CARD18: variants seen among roughly 807,000 people sequenced by gnomAD.
The protein encoded by CARD18 is caspase recruitment domain-containing protein 18.
A neutral mutation model predicts 7.9 loss-of-function variants in CARD18; 7 were observed. The observed-to-expected ratio is 0.88, with a 90% CI of 0.50 to 1.66. The LOEUF (loss-of-function observed/expected upper bound fraction) is 1.66. CARD18 is among the 40% of genes most tolerant of loss of function. CARD18 has a pLI of 0.00. For synonymous variants in CARD18, 34 were observed against 34.8 expected, an observed-to-expected ratio of 0.98 and a Z score of 0.08; for missense variants, 134 against 105.5, an observed-to-expected ratio of 1.27 and a Z score of -1.18.
chr11:105,138,958 A>G lies in CARD18; in HGVS notation c.128T>C (p.Val43Ala). The change falls in exon 2 of 3, where the codon GTG becomes GCG. Residue 43 changes from valine to alanine, a missense_variant. Coordinates refer to ENST00000530950, the MANE Select transcript of CARD18 (RefSeq NM_021571.4). ...CATGACAGTGTCATTTTCATCTCTC[A>G]CTTTGTTCATGTCTTCCTGGCTAAT... ...EVISQEDMNK[V>A]RDENDTVMDK... The G allele has an allele frequency of 1.2e-6, 2 of 1,613,722 alleles. No homozygotes were observed. The highest frequency in any genetic ancestry group is 1.7e-6 in the Non-Finnish European group (2 of 1,179,718).
Position 105,138,927 on chromosome 11 carries a change from C to T in CARD18, c.159G>A (p.Lys53=). The change falls in exon 2 of 3, where the codon AAG becomes AAA. Residue 53 remains lysine (K), a synonymous_variant. Transcript: ENST00000530950. The part of the protein sequence containing the change: ...VRDENDTVMD[K]ARVLIDLVTG... Reference sequence around the variant, plus strand: ...TAACAAGGTCAATCAAGACTCGAGCCTTATCCATGACAGTGTCATTTTCAT... The same window carrying T: ...TAACAAGGTCAATCAAGACTCGAGCTTTATCCATGACAGTGTCATTTTCAT... The T allele has an allele frequency of 6.2e-7, 1 of 1,613,760 alleles. No homozygotes were observed. The highest frequency in any genetic ancestry group is 8.5e-7 in the Non-Finnish European group (1 of 1,179,758).
chr11:105,138,672 G>A, intron 2 of CARD18, 140 bp downstream of exon 2: 2 of 909,728 alleles, frequency 2.2e-6, no homozygotes, highest in East Asian at 4.8e-5. Flanking sequence ...ACATAAGCTA[G>A]AGCCATGCAT....
chr11:105,139,178 G>A lies in CARD18; in HGVS notation c.8-100C>T, dbSNP rs998966180. The stretch of plus-strand genomic sequence containing the variant: ...ATCATTTAAACATTTCTCTCCACAA[G>A]TACAGTAATCCCAAGGAACGGTCTT... On this transcript the variant is annotated intron_variant, in intron 1 of 2. Coordinates refer to ENST00000530950, the MANE Select transcript of CARD18 (RefSeq NM_021571.4). 1.2e-5 allele frequency: 16 copies of A among 1,314,638 alleles called. No homozygotes were observed. The African/African-American group carries it at 2.0e-4, about 17-fold the overall frequency. The allele number at this position is 1,314,638 out of a possible 1,614,324, so 81.4% of individuals were successfully genotyped here. A position where few individuals can be genotyped will look rare whatever the true frequency, so the allele number is the denominator to read the frequency against.
Position 105,138,936 on chromosome 11 carries a change from G to A in CARD18, c.150C>T (p.Val50=), listed in dbSNP as rs1865440074. The A allele has an allele frequency of 1.9e-6, 3 of 1,613,714 alleles. No individual in the cohort carries two copies. Among genetic ancestry groups the A allele is most frequent in the Non-Finnish European group, 2.5e-6 (3 of 1,179,736 alleles). ...MNKVRDENDT[V]MDKARVLIDL... Reference sequence around the variant, plus strand: ...CAATCAAGACTCGAGCCTTATCCATGACAGTGTCATTTTCATCTCTCACTT... The same window carrying A: ...CAATCAAGACTCGAGCCTTATCCATAACAGTGTCATTTTCATCTCTCACTT... Residue 50 remains valine (V), a synonymous_variant, in exon 2 of 3, where the codon GTC becomes GTT. Coordinates refer to ENST00000530950, the MANE Select transcript of CARD18 (RefSeq NM_021571.4).
intron 1 of CARD18, 21 bp downstream of exon 1, chr11:105,139,699 C>T: frequency 6.3e-7 from 1 of 1,598,774 alleles, no homozygotes; most frequent in Non-Finnish European, 8.5e-7. Context: ...AAGACCTATC[C>T]TCTTACTGGG....
chr11:105,138,362 C>G (rs1865431867), intron 2 of CARD18, among the ~76,000 whole-genome samples: 1 of 151,990 alleles, frequency 6.6e-6, no homozygotes, highest in Admixed American at 6.6e-5. Context: ...TTTGACAATT[C>G]CATCATCATT....
At position 105,139,011 on chromosome 11, in the gene CARD18, C is replaced by G; in HGVS notation, c.75G>C (p.Leu25Phe). The G allele has an allele frequency of 1.2e-6, 2 of 1,613,622 alleles. No individual in the cohort carries two copies. Among genetic ancestry groups the G allele is most frequent in the Non-Finnish European group, 1.7e-6 (2 of 1,179,670 alleles). ...HSVGAGTINALLDCLLEDEVI... is the reference protein window; with the variant it reads ...HSVGAGTINAFLDCLLEDEVI... ...CTTCATCCTCTAATAGGCAATCCAG[C>G]AAGGCATTTATTGTGCCTGCACCCA... The change falls in exon 2 of 3, where the codon TTG (leucine) becomes TTC (phenylalanine). Residue 25 changes from leucine (L) to phenylalanine (F), a missense_variant. By Grantham distance (22) the Leu-to-Phe change is conservative. Transcript: ENST00000530950.
At chr11:105,139,166 T>G in intron 1 of CARD18, 88 bp from the exon 2 acceptor site, 1 of 1,406,476 alleles carries the variant, frequency 7.1e-7, no homozygotes, top group Non-Finnish European at 9.7e-7. Context: ...ATTTAAACAT[T>G]TCTCTCCACA....
chr11:105,139,360 T>G, intron 1 of CARD18: 1 of 537,022 alleles, frequency 1.9e-6, no homozygotes, highest in Non-Finnish European at 3.3e-6. Flanking sequence ...TCTTGAATTT[T>G]GAAGGGAATT....
rs748014586 is a variant in CARD18, at chr11:105,138,937, A to G, written c.149T>C (p.Val50Ala). The G allele has an allele frequency of 6.2e-7, 1 of 1,613,784 alleles. No individual in the cohort carries two copies. The highest frequency in any genetic ancestry group is 2.2e-5 in the East Asian group (1 of 44,854). ...MNKVRDENDT[V>A]MDKARVLIDL... Reference sequence around the variant, plus strand: ...AATCAAGACTCGAGCCTTATCCATGACAGTGTCATTTTCATCTCTCACTTT... The same window carrying G: ...AATCAAGACTCGAGCCTTATCCATGGCAGTGTCATTTTCATCTCTCACTTT... The change falls in exon 2 of 3, where the codon GTC becomes GCC. Residue 50 changes from valine to alanine, a missense_variant. Val to Ala is a moderately conservative substitution (Grantham distance 64). Transcript: ENST00000530950.
intron 1 of CARD18, 141 bp downstream of exon 1, chr11:105,139,579 T>C (rs1591255401): frequency 1.2e-6 from 1 of 853,852 alleles, no homozygotes; most frequent in Non-Finnish European, 1.8e-6. Context: ...CTGGGCATCT[T>C]CCCACCCTGC....
chr11:105,139,352 TTGAATTTTGAAGGGAATTGACAGTTTCA>T (rs1258190782), intron 1 of CARD18: 2 of 537,400 alleles, frequency 3.7e-6, no homozygotes, highest in Non-Finnish European at 3.3e-6. Flanking sequence ...TCCCAGTTTC[TTGAATTTTGAAGGGAATTGACAGTTTCA>T]TGAATTTTGA....
At chr11:105,139,356 A>G (rs1865445573) in intron 1 of CARD18, 4 of 537,046 alleles carry the variant, frequency 7.4e-6, no homozygotes, top group Non-Finnish European at 1.3e-5. Context: ...AGTTTCTTGA[A>G]TTTTGAAGGG....
rs1158655631 is a variant in CARD18 at position 105,138,106 on chromosome 11, G to A, written c.*2-8C>T. On this transcript the variant is annotated splice_region_variant and splice_polypyrimidine_tract_variant and intron_variant, in intron 2 of 2. Coordinates refer to ENST00000530950, the MANE Select transcript of CARD18 (RefSeq NM_021571.4). Reference sequence around the variant, plus strand: ...CAGAGTTCCATCTTCTCTCTGTGGAGGGAGAAAAGTGGTATTGGAATGGGC... The same window carrying A: ...CAGAGTTCCATCTTCTCTCTGTGGAAGGAGAAAAGTGGTATTGGAATGGGC... 5.9e-5 allele frequency: 9 copies of A among 152,038 alleles called. No individual in the cohort carries two copies. Among genetic ancestry groups the A allele is most frequent in the Admixed American group, 5.9e-4 (9 of 15,238 alleles). The allele number at this position is 152,038 out of a possible 1,614,324, so 9.4% of individuals were successfully genotyped here.
In CARD18 at chr11:105,139,134, A is replaced by G. The variant is rs1057216023; in HGVS notation, c.8-56T>C. On this transcript the variant is annotated intron_variant, in intron 1 of 2. Coordinates refer to ENST00000530950, the MANE Select transcript of CARD18 (RefSeq NM_021571.4). ...TGAACATGACACAATTTCCCTCTCA[A>G]TTTACCAACAGGGTAACAATCATTT... 5 of 1,549,004 alleles carry G rather than the reference A, an allele frequency of 3.2e-6. No individual in the cohort carries two copies. The African/African-American group carries it at 6.8e-5, about 21-fold the overall frequency.
At chr11:105,139,123 T>C (rs1467461973) in intron 1 of CARD18, 45 bp from the exon 2 acceptor site, 3 of 1,581,854 alleles carry the variant, frequency 1.9e-6, no homozygotes, top group Non-Finnish European at 2.6e-6. Context: ...CATGACACAA[T>C]TTCCCTCTCA....
intron 2 of CARD18, 87 bp from the exon 3 acceptor site, chr11:105,138,185 A>C (rs1865429819): frequency 6.6e-6 from 1 of 152,220 alleles, no homozygotes; most frequent in Non-Finnish European, 1.5e-5. Flanking sequence ...AGAAATACAA[A>C]GGGATAGGCT....
At chr11:105,139,582 C>A (rs868312346) in intron 1 of CARD18, 138 bp downstream of exon 1, 9 of 877,760 alleles carry the variant, frequency 1.0e-5, no homozygotes, top group South Asian at 1.6e-5. Context: ...GGCATCTTCC[C>A]ACCCTGCCTC....
Position 105,137,974 on chromosome 11 carries a change from T to C in CARD18, c.*126A>G, listed in dbSNP as rs1056987595. On this transcript the variant is annotated 3_prime_UTR_variant, in exon 3 of 3. Coordinates refer to ENST00000530950, the MANE Select transcript of CARD18 (RefSeq NM_021571.4). ...GAATGAAAGATTTATTGGAAATTGA[T>C]GAAATTAATCAGGTTTGAAAAAAGC... 1 of 152,228 alleles carries C rather than the reference T, an allele frequency of 6.6e-6. No homozygotes were observed. The highest frequency in any genetic ancestry group is 2.4e-5 in the African/African-American group (1 of 41,466). 9.4% of individuals were successfully genotyped at this position (152,228 alleles called of 1,614,324 possible).
Sources: gnomAD v4.1 joint callset for allele counts (sites outside exome capture counted in the v4.1 genomes callset) on GRCh38, gnomAD v4.1.1 for gene constraint, MANE v1.5 for transcripts, NCBI Gene and HGNC (gene_info 2026-07-23, HGNC 2026-07-21) for gene names.